FHIP1A: variants seen among roughly 807,000 people sequenced by gnomAD.
The protein encoded by FHIP1A is FHF complex subunit HOOK-interacting protein 1A.
Under a neutral mutation model 88.6 loss-of-function variants are expected in FHIP1A, and 61 were observed. That is an observed-to-expected ratio of 0.69 (90% confidence interval 0.56 to 0.85). The LOEUF is 0.85. Among genes scored for constraint, FHIP1A ranks in the 40% least tolerant of loss-of-function variants. The pLI, the probability that FHIP1A is intolerant of heterozygous loss-of-function variation, is 0.00. For synonymous variants in FHIP1A, 478 were observed against 496.0 expected (o/e 0.96, Z 0.48); for missense variants, 1,154 against 1,273.5 (o/e 0.91, Z 1.43).
At chr4:151,485,872 G>A (rs981051460) in intron 3 of FHIP1A, among the ~76,000 whole-genome samples, 1 of 152,020 alleles carries the variant, frequency 6.6e-6, no homozygotes, top group African/African-American at 2.4e-5. Flanking sequence ...TACAGGCGTG[G>A]GCCACTGTGC....
intron 3 of FHIP1A, among the ~76,000 whole-genome samples, chr4:151,487,625 A>T (rs1730135683): frequency 6.6e-6 from 1 of 152,222 alleles, no homozygotes. Context: ...TGGCATCACC[A>T]TCAACCATCA....
intron 3 of FHIP1A, among the ~76,000 whole-genome samples, chr4:151,527,445 G>A (rs1280964856): frequency 6.6e-6 from 1 of 152,162 alleles, no homozygotes; most frequent in East Asian, 1.9e-4. Flanking sequence ...AATCAGGCAG[G>A]GAGGTTGCAG....
chr4:151,433,753 G>C (rs2724577), intron 1 of FHIP1A, among the ~76,000 whole-genome samples: 79,009 of 151,858 alleles, frequency 0.52, 20,854 homozygotes, highest in African/African-American at 0.55. Context: ...CTTCACTGCT[G>C]ATAATCTCTG....
intron 2 of FHIP1A, among the ~76,000 whole-genome samples, chr4:151,459,166 G>T (rs998018883): frequency 6.6e-6 from 1 of 151,690 alleles, no homozygotes; most frequent in Non-Finnish European, 1.5e-5. Context: ...GCCCTAAAGA[G>T]AATTTTTTTT....
intron 7 of FHIP1A, among the ~76,000 whole-genome samples, chr4:151,597,393 C>T (rs28788179): frequency 0.034 from 5,168 of 152,220 alleles, 302 homozygotes; most frequent in African/African-American, 0.12. Flanking sequence ...CTGTTCCTTC[C>T]TCTGGAAGCT....
At chr4:151,523,313 G>T (rs1731512700) in intron 3 of FHIP1A, among the ~76,000 whole-genome samples, 1 of 152,190 alleles carries the variant, frequency 6.6e-6, no homozygotes, top group African/African-American at 2.4e-5. Context: ...TAAGCATAGA[G>T]AATGAGTCAA....
At chr4:151,536,949 A>G (rs1431001987) in intron 3 of FHIP1A, among the ~76,000 whole-genome samples, 1 of 151,972 alleles carries the variant, frequency 6.6e-6, no homozygotes, top group Non-Finnish European at 1.5e-5. Flanking sequence ...AACACGACTC[A>G]CTGCAGCTTT....
At chr4:151,631,349 AT>A (rs1245423883) in intron 8 of FHIP1A, among the ~76,000 whole-genome samples, 1 of 152,162 alleles carries the variant, frequency 6.6e-6, no homozygotes, top group Non-Finnish European at 1.5e-5. Flanking sequence ...ATGAGCAACT[AT>A]ATGCCAAAGG....
chr4:151,451,814 T>TC (rs144067029), intron 1 of FHIP1A, among the ~76,000 whole-genome samples: 2,245 of 150,442 alleles, frequency 0.015, 26 homozygotes, highest in Non-Finnish European at 0.021. Context: ...TTCTTTTTTT[T>TC]CTTTCTTTCT....
chr4:151,651,213 A>G (rs1228474655), intron 11 of FHIP1A, among the ~76,000 whole-genome samples: 1 of 152,230 alleles, frequency 6.6e-6, no homozygotes, highest in Non-Finnish European at 1.5e-5. Context: ...AAGAGTGGGT[A>G]TATTCAATGA....
chr4:151,476,965 G>T (rs1729730690), intron 2 of FHIP1A, among the ~76,000 whole-genome samples: 1 of 152,036 alleles, frequency 6.6e-6, no homozygotes, highest in South Asian at 2.1e-4. Flanking sequence ...GTTTAAAAAT[G>T]CTCCTGATGT....
At chr4:151,481,147 A>G (rs1437022569) in intron 2 of FHIP1A, among the ~76,000 whole-genome samples, 3 of 152,070 alleles carry the variant, frequency 2.0e-5, no homozygotes, top group African/African-American at 4.8e-5. Flanking sequence ...TAACTATATC[A>G]GAAGAAATTG....
chr4:151,516,698 A>C (rs1731251498), intron 3 of FHIP1A, among the ~76,000 whole-genome samples: 1 of 152,264 alleles, frequency 6.6e-6, no homozygotes, highest in South Asian at 2.1e-4. Flanking sequence ...GACACATGAA[A>C]AAATGCTCAC....
chr4:151,500,936 T>C (rs982753717), intron 3 of FHIP1A, among the ~76,000 whole-genome samples: 3 of 152,230 alleles, frequency 2.0e-5, no homozygotes, highest in Non-Finnish European at 2.9e-5. Flanking sequence ...AAATTGCCGA[T>C]GCACTGAAAA....
At chr4:151,510,557 G>A (rs1447130035) in intron 3 of FHIP1A, among the ~76,000 whole-genome samples, 3 of 152,174 alleles carry the variant, frequency 2.0e-5, no homozygotes, top group African/African-American at 7.2e-5. Flanking sequence ...GCAGTTTGAT[G>A]TGTGATTTCT....
chr4:151,659,118 G>A (rs1737359687), intron 13 of FHIP1A, among the ~76,000 whole-genome samples: 1 of 152,220 alleles, frequency 6.6e-6, no homozygotes, highest in African/African-American at 2.4e-5. Context: ...GCCTAAGGTT[G>A]TCAAATTAGT....
intron 3 of FHIP1A, among the ~76,000 whole-genome samples, chr4:151,549,826 T>G (rs1732654208): frequency 6.6e-6 from 1 of 152,130 alleles, no homozygotes; most frequent in Non-Finnish European, 1.5e-5. Context: ...AAAATACATG[T>G]AGTATGGGAC....
intron 1 of FHIP1A, among the ~76,000 whole-genome samples, chr4:151,410,667 A>G (rs1732593279): frequency 6.6e-6 from 1 of 152,192 alleles, no homozygotes; most frequent in South Asian, 2.1e-4. Flanking sequence ...AGCTGTCCAC[A>G]TGTAGTGAAC....
intron 3 of FHIP1A, among the ~76,000 whole-genome samples, chr4:151,556,895 C>T (rs2126755821): frequency 6.6e-6 from 1 of 152,164 alleles, no homozygotes; most frequent in Admixed American, 6.5e-5. Flanking sequence ...ACCCCAAGTG[C>T]CTACTGCTTT....
Sources: gnomAD v4.1 joint callset for allele counts (sites outside exome capture counted in the v4.1 genomes callset) on GRCh38, gnomAD v4.1.1 for gene constraint, MANE v1.5 for transcripts, NCBI Gene and HGNC (gene_info 2026-07-23, HGNC 2026-07-21) for gene names.